UNC5CL: variants seen among roughly 807,000 people sequenced by gnomAD.
UNC5CL encodes unc-5 family C-terminal like.
In UNC5CL, 42 loss-of-function variants were observed where a neutral mutation model predicts 54.1. That is an observed-to-expected ratio of 0.78 (90% confidence interval 0.61 to 1.00). UNC5CL has a LOEUF of 1.00. Among genes scored for constraint, UNC5CL ranks in the 50% least tolerant of loss-of-function variants. The pLI is 0.00. For synonymous variants in UNC5CL, 285 were observed against 285.1 expected (o/e 1.00, Z 0.00); for missense variants, 619 against 675.6 (o/e 0.92, Z 0.93).
Position 41,034,163 on chromosome 6 carries a change from C to T in UNC5CL, c.404G>A (p.Arg135His), listed in dbSNP as rs1312703189. 16 of 1,607,722 alleles carry T rather than the reference C, an allele frequency of 1.0e-5. No homozygotes were observed. Among genetic ancestry groups the T allele is most frequent in the African/African-American group, 4.0e-5 (3 of 74,746 alleles). ...CAGGATCAAAGACACCCGCTCCTGG[C>T]GGCCCACAGCCACAGCACCTGGCAG... ...LIPPGAVAVG[R>H]QERVSLILVW... The change falls in exon 3 of 9, where the codon CGC (arginine) becomes CAC (histidine). Residue 135 changes from arginine (R) to histidine (H), a missense_variant. Coordinates refer to ENST00000244565, the MANE Select transcript of UNC5CL (RefSeq NM_173561.3).
intron 1 of UNC5CL, among the ~76,000 whole-genome samples, chr6:41,035,718 A>T (rs1436773703): frequency 6.6e-6 from 1 of 152,240 alleles, no homozygotes; most frequent in African/African-American, 2.4e-5. Context: ...GCTTCGGGTC[A>T]CTGCCATGGA....
At chr6:41,032,843 G>T in intron 4 of UNC5CL, 41 bp downstream of exon 4, 1 of 1,533,622 alleles carries the variant, frequency 6.5e-7, no homozygotes, top group African/African-American at 1.4e-5. Flanking sequence ...TTCCTGTGGG[G>T]CTCCCGATCA....
chr6:41,033,613 C>G lies in UNC5CL; in HGVS notation c.686+268G>C. The G allele has an allele frequency of 5.3e-6, 3 of 562,790 alleles. No homozygotes were observed. In the South Asian group the frequency reaches 7.3e-5, roughly 14 times the overall value. 34.9% of individuals were successfully genotyped at this position (562,790 alleles called of 1,614,324 possible). On this transcript the variant is annotated intron_variant, in intron 3 of 8. Transcript: ENST00000244565. ...AGAGAGAGATGGGAAAGACAGGTCCCTCTTAGATGGAGAGATGGTGCTGAG... is the reference window on the plus strand; with the variant it reads ...AGAGAGAGATGGGAAAGACAGGTCCGTCTTAGATGGAGAGATGGTGCTGAG...
intron 4 of UNC5CL, among the ~76,000 whole-genome samples, chr6:41,032,604 C>CA (rs1230305435): frequency 6.6e-6 from 1 of 152,082 alleles, no homozygotes; most frequent in Admixed American, 6.5e-5. Flanking sequence ...ACCAAAAATA[C>CA]AAAAAAATTA....
rs954790715 is a variant in UNC5CL at position 41,029,831 on chromosome 6, G to A, written c.1334+557C>T. Among the ~76,000 whole-genome samples, 5 of 152,048 alleles carry A rather than the reference G, an allele frequency of 3.3e-5. No individual in the cohort carries two copies. The highest frequency in any genetic ancestry group is 7.4e-5 in the Non-Finnish European group (5 of 68,010). On this transcript the variant is annotated intron_variant, in intron 8 of 8. Coordinates refer to ENST00000244565, the MANE Select transcript of UNC5CL (RefSeq NM_173561.3). This position sits in a 1 kb window ranked among gnomAD's most constrained non-coding sequence, Gnocchi z 4.1. ...AGCCTGGGCGACAGAGCAAGACTCCGTCTCAAATAATGATAATAATAATAA... is the reference window on the plus strand; with the variant it reads ...AGCCTGGGCGACAGAGCAAGACTCCATCTCAAATAATGATAATAATAATAA...
rs146196949 is a variant in UNC5CL, at chr6:41,033,936, G to T, written c.631C>A (p.Arg211=). Residue 211 remains arginine, a synonymous_variant, in exon 3 of 9, where the codon CGG becomes AGG. Transcript: ENST00000244565. The part of the protein sequence containing the change: ...LDAKVWRPLG[R]PGAHASRDEC... ...TCCCGGGAGGCGTGGGCCCCCGGCCGCCCCAGGGGCCTCCATACCTTGGCA... is the reference window on the plus strand; with the variant it reads ...TCCCGGGAGGCGTGGGCCCCCGGCCTCCCCAGGGGCCTCCATACCTTGGCA... The T allele has an allele frequency of 1.2e-6, 2 of 1,613,852 alleles. No homozygotes were observed. Among genetic ancestry groups the T allele is most frequent in the Non-Finnish European group, 1.7e-6 (2 of 1,179,852 alleles).
intron 2 of UNC5CL, 32 bp downstream of exon 2, chr6:41,034,658 T>C (rs1561830610): frequency 6.3e-7 from 1 of 1,590,286 alleles, no homozygotes; most frequent in Middle Eastern, 1.7e-4. Flanking sequence ...TCTGACCAAC[T>C]GTATGCGGAG....
Position 41,032,901 on chromosome 6 carries a change from AGCTTCAGGCACTGGTC to A in UNC5CL, c.916_931del (p.Asp306SerfsTer50). On this transcript the variant is annotated frameshift_variant, in exon 4 of 9. Coordinates refer to ENST00000244565, the MANE Select transcript of UNC5CL (RefSeq NM_173561.3). LOFTEE classifies it high-confidence loss of function. ...TCCCTCACCCTCTGAGATGTACGTGAGCTTCAGGCACTGGTCGCCCCTAGCCCCATTGAAGTCGAAG... is the reference window on the plus strand; with the variant it reads ...TCCCTCACCCTCTGAGATGTACGTGAGCCCCTAGCCCCATTGAAGTCGAAG... 6.2e-7 allele frequency: 1 copy of A among 1,603,926 alleles called. No homozygotes were observed. Among genetic ancestry groups the A allele is most frequent in the Non-Finnish European group, 8.5e-7 (1 of 1,175,196 alleles).
chr6:41,033,074 G>C lies in UNC5CL; in HGVS notation c.759C>G (p.Cys253Trp). ...GGGACTGTCCTGGCACCAGCGGTGA[G>C]CAGAATACGGCCAGCTGCAGCCATT... ...ARKWLQLAVF[C>W]SPLVPGQSHL... Residue 253 changes from cysteine (C) to tryptophan (W), a missense_variant, in exon 4 of 9, where the codon TGC (cysteine) becomes TGG (tryptophan). By Grantham distance (215) the Cys-to-Trp change is radical (BLOSUM62 -2). Transcript: ENST00000244565. 1 of 1,613,280 alleles carries C rather than the reference G, an allele frequency of 6.2e-7. No homozygotes were observed. Among genetic ancestry groups the C allele is most frequent in the Non-Finnish European group, 8.5e-7 (1 of 1,179,650 alleles).
At chr6:41,030,278 C>A in intron 8 of UNC5CL, 110 bp downstream of exon 8, 1 of 1,015,340 alleles carries the variant, frequency 9.8e-7, no homozygotes, top group Non-Finnish European at 1.5e-6. Flanking sequence ...TAGCCATTCT[C>A]TGACTTTTAA....
chr6:41,036,066 G>A (rs1762520746), intron 1 of UNC5CL, among the ~76,000 whole-genome samples: 1 of 152,226 alleles, frequency 6.6e-6, no homozygotes, highest in South Asian at 2.1e-4. Flanking sequence ...ATATGGAAAT[G>A]TAAAGGTATA....
In UNC5CL at chr6:41,028,307, C is replaced by T; in HGVS notation, c.*66G>A. Reference sequence around the variant, plus strand: ...CACAGCCAGGAACAGCTGCTGTGTTCCTCTTAGGCGTAGGAGAACAACCCC... The same window carrying T: ...CACAGCCAGGAACAGCTGCTGTGTTTCTCTTAGGCGTAGGAGAACAACCCC... On this transcript the variant is annotated 3_prime_UTR_variant, in exon 9 of 9. Coordinates refer to ENST00000244565, the MANE Select transcript of UNC5CL (RefSeq NM_173561.3). The surrounding 1 kb of genome is among the most constrained non-coding windows in gnomAD (Gnocchi z 4.3). 1 of 1,434,840 alleles carries T rather than the reference C, an allele frequency of 7.0e-7. No homozygotes were observed. Among genetic ancestry groups the T allele is most frequent in the Non-Finnish European group, 9.3e-7 (1 of 1,075,630 alleles). The allele number at this position is 1,434,840 out of a possible 1,614,324, so 88.9% of individuals were successfully genotyped here.
rs1246712140 is a variant in UNC5CL, at chr6:41,030,684, T to G, written c.1191A>C (p.Pro397=). ...TGCATGGGGGCGGCTGGGAAACAGG[T>G]GGTGGCGCTGCCCAGGATTCCTCCT... is the stretch of plus-strand genomic sequence containing the variant. ...ASEEESWAAP[P]PVSQPPPCNR... Residue 397 remains proline, a synonymous_variant, in exon 7 of 9, where the codon CCA becomes CCC. Coordinates refer to ENST00000244565, the MANE Select transcript of UNC5CL (RefSeq NM_173561.3). 1.2e-6 allele frequency: 2 copies of G among 1,613,912 alleles called. No homozygotes were observed. The highest frequency in any genetic ancestry group is 2.7e-5 in the African/African-American group (2 of 74,874).
intron 4 of UNC5CL, 70 bp from the exon 5 acceptor site, chr6:41,032,207 G>T: frequency 7.6e-7 from 1 of 1,309,564 alleles, no homozygotes. Flanking sequence ...GGGGGCTGTG[G>T]GGAGGCATGA....
intron 1 of UNC5CL, among the ~76,000 whole-genome samples, chr6:41,038,906 G>A (rs549811321): frequency 2.6e-5 from 4 of 152,316 alleles, no homozygotes; most frequent in African/African-American, 9.6e-5. Context: ...AACATAACAA[G>A]TACTGGGATG....
At chr6:41,034,278 G>T in intron 2 of UNC5CL, 97 bp from the exon 3 acceptor site, 1 of 1,389,836 alleles carries the variant, frequency 7.2e-7, no homozygotes, top group Non-Finnish European at 9.6e-7. Flanking sequence ...TGGGGCAGGA[G>T]CCCAGGAGAG....
intron 1 of UNC5CL, among the ~76,000 whole-genome samples, chr6:41,035,476 C>T (rs916487142): frequency 6.6e-6 from 1 of 152,186 alleles, no homozygotes; most frequent in African/African-American, 2.4e-5. Flanking sequence ...GGGTTTGTGG[C>T]TTCACCTAGG....
At position 41,030,463 on chromosome 6, in the gene UNC5CL, A is replaced by G. The variant is rs764053165; in HGVS notation, c.1259T>C (p.Leu420Ser). The G allele has an allele frequency of 1.9e-6, 3 of 1,614,178 alleles. No homozygotes were observed. The highest frequency in any genetic ancestry group is 1.7e-6 in the Non-Finnish European group (2 of 1,180,028). Reference sequence around the variant, plus strand: ...ATTGCCGGTGATGCTGTTTGGCTCCAATAACATCCGCAGCTGCTCAAAGAG... The same window carrying G: ...ATTGCCGGTGATGCTGTTTGGCTCCGATAACATCCGCAGCTGCTCAAAGAG... ...PELFEQLRML[L>S]EPNSITGNDW... The change falls in exon 8 of 9, where the codon TTG (leucine) becomes TCG (serine). Residue 420 changes from leucine (L) to serine (S), a missense_variant. Physicochemically the swap from Leu to Ser is moderately radical, Grantham distance 145. Coordinates refer to ENST00000244565, the MANE Select transcript of UNC5CL (RefSeq NM_173561.3).
In UNC5CL at chr6:41,029,958, C is replaced by T. The variant is rs548315531; in HGVS notation, c.1334+430G>A. ...ATAGTGTAGTTTCTGGAGCTTAGCT[C>T]AGTATTCTCCTGCTTTCTGAGTTCC... On this transcript the variant is annotated intron_variant, in intron 8 of 8. Transcript: ENST00000244565. This position sits in a 1 kb window ranked among gnomAD's most constrained non-coding sequence, Gnocchi z 4.1. Among the ~76,000 whole-genome samples the T allele has an allele frequency of 6.6e-6, 1 of 152,318 alleles. No homozygotes were observed. The highest frequency in any genetic ancestry group is 6.5e-5 in the Admixed American group (1 of 15,302).
Sources: allele counts gnomAD v4.1 joint callset (sites outside exome capture counted in the v4.1 genomes callset), GRCh38; gene constraint gnomAD v4.1.1; non-coding constraint Gnocchi (gnomAD v3.1); transcripts MANE v1.5; gene names NCBI Gene and HGNC (gene_info 2026-07-23, HGNC 2026-07-21).